The following PDRG1 variants were observed in gnomAD, a reference collection of about 807,000 sequenced individuals.
The protein encoded by PDRG1 is p53 and DNA damage regulated 1.
In PDRG1, 14 loss-of-function variants were observed where a neutral mutation model predicts 18.4. The observed-to-expected ratio is 0.76, with a 90% confidence interval of 0.50 to 1.19. PDRG1 has a LOEUF of 1.19. Ranked by LOEUF, PDRG1 falls within the 50% of genes most tolerant of loss-of-function variation. The probability of loss-of-function intolerance (pLI) is 0.00; values close to 1 mark genes in which losing one functional copy is unlikely to be tolerated. For synonymous variants in PDRG1, 65 were observed against 60.9 expected (o/e 1.07, Z -0.31); for missense variants, 177 against 160.1 (o/e 1.11, Z -0.57).
At position 31,946,581 on chromosome 20, in the gene PDRG1, A is replaced by G. The variant is rs548016669; in HGVS notation, c.239-5T>C. On this transcript the variant is annotated splice_polypyrimidine_tract_variant and splice_region_variant and intron_variant, in intron 3 of 4. Coordinates refer to ENST00000202017, the MANE Select transcript of PDRG1 (RefSeq NM_030815.3). The stretch of plus-strand genomic sequence containing the variant: ...CTTTATCCAGATGATCTTGATCTGA[A>G]AAAATGAGGGGGGCAAGCAGAGGAT... 2.1e-5 allele frequency: 34 copies of G among 1,607,476 alleles called. No homozygotes were observed. In the East Asian group the frequency reaches 2.2e-4, roughly 11 times the overall value.
chr20:31,948,785 G>A, intron 3 of PDRG1, 23 bp downstream of exon 3: 1 of 1,606,700 alleles, frequency 6.2e-7, no homozygotes, highest in Non-Finnish European at 8.5e-7. Context: ...GCACACCCCT[G>A]ACCCATCCCC....
chr20:31,945,757 T>C lies in PDRG1; in HGVS notation c.*50A>G. 2 of 1,468,972 alleles carry C rather than the reference T, an allele frequency of 1.4e-6. No individual in the cohort carries two copies. Among genetic ancestry groups the C allele is most frequent in the Non-Finnish European group, 1.9e-6 (2 of 1,051,722 alleles). The allele number at this position is 1,468,972 out of a possible 1,614,324, so 91.0% of individuals were successfully genotyped here. ...GGTGTCAAGGTTGGAGGGTCCTGGG[T>C]CCTCCATGACCCTGGGGGGTTGCTG... is the stretch of plus-strand genomic sequence containing the variant. On this transcript the variant is annotated 3_prime_UTR_variant, in exon 5 of 5. Coordinates refer to ENST00000202017, the MANE Select transcript of PDRG1 (RefSeq NM_030815.3).
chr20:31,946,387 GC>G lies in PDRG1; in HGVS notation c.319+108del. The G allele has an allele frequency of 4.8e-6, 5 of 1,041,482 alleles. No homozygotes were observed. In the East Asian group the frequency reaches 7.1e-5, roughly 15 times the overall value. The allele number at this position is 1,041,482 out of a possible 1,614,324, so 64.5% of individuals were successfully genotyped here. On this transcript the variant is annotated intron_variant, in intron 4 of 4. Transcript: ENST00000202017. The stretch of plus-strand genomic sequence containing the variant: ...ACACCTCCAGGGCCACTCACAGGCT[GC>G]CCCGGACACTGCCCATCTCTGAGGG...
chr20:31,951,514 C>A (rs1422402446), intron 1 of PDRG1, among the ~76,000 whole-genome samples: 1 of 152,174 alleles, frequency 6.6e-6, no homozygotes, highest in Non-Finnish European at 1.5e-5. Flanking sequence ...CACCCCTGCC[C>A]GGTCACAAGG....
chr20:31,945,543 C>T lies in PDRG1; in HGVS notation c.*264G>A. 1 of 393,776 alleles carries T rather than the reference C, an allele frequency of 2.5e-6. No individual in the cohort carries two copies. 24.4% of individuals were successfully genotyped at this position (393,776 alleles called of 1,614,324 possible). On this transcript the variant is annotated 3_prime_UTR_variant, in exon 5 of 5. Coordinates refer to ENST00000202017, the MANE Select transcript of PDRG1 (RefSeq NM_030815.3). ...TTACACCCCCACAGCCACTGCCCCA[C>T]ACACCCACTGGTGGCTACCAAGGCC...
chr20:31,948,824 C>G lies in PDRG1; in HGVS notation c.222G>C (p.Lys74Asn). Residue 74 changes from lysine (K) to asparagine (N), a missense_variant, in exon 3 of 5, where the codon AAG (lysine) becomes AAC (asparagine). Lys to Asn is a moderately conservative substitution (Grantham distance 94, BLOSUM62 0). Transcript: ENST00000202017. ...MFIKMPHPET[K>N]EMIEKDQDHL... ...AGGCCTTACCTTTTTCAATCATTTC[C>G]TTTGTCTCAGGGTGAGGCATCTTGA... is the stretch of plus-strand genomic sequence containing the variant. The G allele has an allele frequency of 6.2e-7, 1 of 1,613,904 alleles. No individual in the cohort carries two copies. Among genetic ancestry groups the G allele is most frequent in the Non-Finnish European group, 8.5e-7 (1 of 1,179,904 alleles).
chr20:31,952,014 C>T lies in PDRG1; in HGVS notation c.-53G>A. On this transcript the variant is annotated 5_prime_UTR_variant, in exon 1 of 5. Coordinates refer to ENST00000202017, the MANE Select transcript of PDRG1 (RefSeq NM_030815.3). ...TCGCGCGACCCCGGGATCTCCGCTTCGACTCCCGCTGCGCACGCGCCGCTC... is the reference window on the plus strand; with the variant it reads ...TCGCGCGACCCCGGGATCTCCGCTTTGACTCCCGCTGCGCACGCGCCGCTC... 2 of 1,490,864 alleles carry T rather than the reference C, an allele frequency of 1.3e-6. No homozygotes were observed. The highest frequency in any genetic ancestry group is 1.3e-5 in the South Asian group (1 of 75,410). 92.4% of individuals were successfully genotyped at this position (1,490,864 alleles called of 1,614,324 possible). A position where few individuals can be genotyped will look rare whatever the true frequency, so the allele number is the denominator to read the frequency against.
In PDRG1 at chr20:31,950,404, C is replaced by G. The variant is rs201307468; in HGVS notation, c.88-17G>C. The G allele has an allele frequency of 3.1e-6, 5 of 1,590,398 alleles. No individual in the cohort carries two copies. Among genetic ancestry groups the G allele is most frequent in the Non-Finnish European group, 4.3e-6 (5 of 1,158,402 alleles). ...GTCCACAATCTGAAAACCACAGGGA[C>G]AGGAGGGAACTCAGCTATCTCTTGC... On this transcript the variant is annotated splice_polypyrimidine_tract_variant and intron_variant, in intron 1 of 4. Transcript: ENST00000202017.
Position 31,952,000 on chromosome 20 carries a change from C to A in PDRG1, c.-39G>T, listed in dbSNP as rs769765584. 3.3e-6 allele frequency: 5 copies of A among 1,501,300 alleles called. No individual in the cohort carries two copies. The highest frequency in any genetic ancestry group is 4.4e-6 in the Non-Finnish European group (5 of 1,128,420). 93.0% of individuals were successfully genotyped at this position (1,501,300 alleles called of 1,614,324 possible). A position where few individuals can be genotyped will look rare whatever the true frequency, so the allele number is the denominator to read the frequency against. On this transcript the variant is annotated 5_prime_UTR_variant, in exon 1 of 5. Transcript: ENST00000202017. The stretch of plus-strand genomic sequence containing the variant: ...TCCGCTTGCGGCTCTCGCGCGACCC[C>A]GGGATCTCCGCTTCGACTCCCGCTG...
Position 31,945,729 on chromosome 20 carries a change from A to T in PDRG1, c.*78T>A. ...CCCTTACAGGGCAGATCCTGTCCTT[A>T]CAGGTGTCAAGGTTGGAGGGTCCTG... is the stretch of plus-strand genomic sequence containing the variant. On this transcript the variant is annotated 3_prime_UTR_variant, in exon 5 of 5. Transcript: ENST00000202017. 3 of 1,176,254 alleles carry T rather than the reference A, an allele frequency of 2.6e-6. No homozygotes were observed. Among genetic ancestry groups the T allele is most frequent in the Non-Finnish European group, 3.7e-6 (3 of 806,186 alleles). 72.9% of individuals were successfully genotyped at this position (1,176,254 alleles called of 1,614,324 possible).
rs770445457 is a variant in PDRG1, at chr20:31,945,928, T to C, written c.320-39A>G. On this transcript the variant is annotated intron_variant, in intron 4 of 4. Coordinates refer to ENST00000202017, the MANE Select transcript of PDRG1 (RefSeq NM_030815.3). Reference sequence around the variant, plus strand: ...TGATCCATCAGCACGTCGGGCCTCCTGCTGGCTCTGGAGCCAGGCCCAGGA... The same window carrying C: ...TGATCCATCAGCACGTCGGGCCTCCCGCTGGCTCTGGAGCCAGGCCCAGGA... 3.9e-6 allele frequency: 6 copies of C among 1,554,524 alleles called. No homozygotes were observed. The South Asian group carries it at 4.5e-5, about 12-fold the overall frequency.
Position 31,948,818 on chromosome 20 carries a change from C to T in PDRG1, c.228G>A (p.Met76Ile). ...IKMPHPETKE[M>I]IEKDQDHLDK... The stretch of plus-strand genomic sequence containing the variant: ...CCCAGGAGGCCTTACCTTTTTCAAT[C>T]ATTTCCTTTGTCTCAGGGTGAGGCA... Residue 76 changes from methionine to isoleucine, a missense_variant, in exon 3 of 5, where the codon ATG becomes ATA. Transcript: ENST00000202017. 1 of 1,613,666 alleles carries T rather than the reference C, an allele frequency of 6.2e-7. No individual in the cohort carries two copies. Among genetic ancestry groups the T allele is most frequent in the Non-Finnish European group, 8.5e-7 (1 of 1,179,806 alleles).
intron 1 of PDRG1, 48 bp downstream of exon 1, chr20:31,951,827 C>T (rs986180781): frequency 9.2e-6 from 14 of 1,521,534 alleles, no homozygotes; most frequent in Admixed American, 2.3e-5. Flanking sequence ...CGCGCGCTTT[C>T]CCACGGCGCC....
chr20:31,945,850 T>G lies in PDRG1; in HGVS notation c.359A>C (p.Asn120Thr). Residue 120 changes from asparagine to threonine, a missense_variant, in exon 5 of 5, where the codon AAC (asparagine) becomes ACC (threonine). Transcript: ENST00000202017. ...ELKGFNLNPL[N>T]QDELKALKVI... Reference sequence around the variant, plus strand: ...CTTGAGAGCTTTAAGCTCATCCTGGTTGAGGGGGTTCAAGTTAAAACCCTT... The same window carrying G: ...CTTGAGAGCTTTAAGCTCATCCTGGGTGAGGGGGTTCAAGTTAAAACCCTT... 1.2e-6 allele frequency: 2 copies of G among 1,613,994 alleles called. No individual in the cohort carries two copies. The highest frequency in any genetic ancestry group is 1.7e-6 in the Non-Finnish European group (2 of 1,179,994).
At chr20:31,945,911 C>A in intron 4 of PDRG1, 22 bp from the exon 5 acceptor site, 1 of 1,603,436 alleles carries the variant, frequency 6.2e-7, no homozygotes, top group South Asian at 1.1e-5. Flanking sequence ...GATGATCCAT[C>A]AGCACGTCGG....
chr20:31,951,973 A>C lies in PDRG1; in HGVS notation c.-12T>G. On this transcript the variant is annotated 5_prime_UTR_variant, in exon 1 of 5. Coordinates refer to ENST00000202017, the MANE Select transcript of PDRG1 (RefSeq NM_030815.3). ...TCGGGTGATAGCATAGCGCCCACCA[A>C]CTCCGCTTGCGGCTCTCGCGCGACC... The C allele has an allele frequency of 6.5e-7, 1 of 1,546,716 alleles. No individual in the cohort carries two copies. The highest frequency in any genetic ancestry group is 1.2e-5 in the South Asian group (1 of 82,790).
chr20:31,947,506 C>T (rs1057466760), intron 3 of PDRG1, among the ~76,000 whole-genome samples: 1 of 152,234 alleles, frequency 6.6e-6, no homozygotes, highest in Non-Finnish European at 1.5e-5. Flanking sequence ...CCACCAAGTG[C>T]AGTTTAATTT....
Position 31,945,732 on chromosome 20 carries a change from G to A in PDRG1, c.*75C>T. 8.3e-7 allele frequency: 1 copy of A among 1,201,532 alleles called. No homozygotes were observed. Among genetic ancestry groups the A allele is most frequent in the South Asian group, 1.3e-5 (1 of 77,020 alleles). 74.4% of individuals were successfully genotyped at this position (1,201,532 alleles called of 1,614,324 possible). A position where few individuals can be genotyped will look rare whatever the true frequency, so the allele number is the denominator to read the frequency against. On this transcript the variant is annotated 3_prime_UTR_variant, in exon 5 of 5. Transcript: ENST00000202017. ...TTACAGGGCAGATCCTGTCCTTACAGGTGTCAAGGTTGGAGGGTCCTGGGT... is the reference window on the plus strand; with the variant it reads ...TTACAGGGCAGATCCTGTCCTTACAAGTGTCAAGGTTGGAGGGTCCTGGGT...
At chr20:31,950,171 C>G (rs2064343323) in intron 2 of PDRG1, 141 bp downstream of exon 2, 3 of 692,972 alleles carry the variant, frequency 4.3e-6, no homozygotes, top group Admixed American at 6.0e-5. Flanking sequence ...GCTCCCCCAT[C>G]TCCCCGGACT....
Sources: gnomAD v4.1 joint callset for allele counts (sites outside exome capture counted in the v4.1 genomes callset) on GRCh38, gnomAD v4.1.1 for gene constraint, MANE v1.5 for transcripts, NCBI Gene and HGNC (gene_info 2026-07-23, HGNC 2026-07-21) for gene names.